RC3H1: variants seen among roughly 807,000 people sequenced by gnomAD.
RC3H1 encodes ring finger and CCCH-type domains 1.
In RC3H1, 50 loss-of-function variants were observed where a neutral mutation model predicts 138.2. The observed-to-expected ratio is 0.36, with a 90% CI of 0.29 to 0.46. RC3H1 has a LOEUF of 0.46. Among genes scored for constraint, RC3H1 ranks in the 20% least tolerant of loss-of-function variants. The pLI is 1.00. For missense variants in RC3H1, 1,031 were observed against 1,388.1 expected (o/e 0.74, Z 4.09); for synonymous variants, 462 against 489.1 (o/e 0.94, Z 0.73).
At chr1:174,002,802 T>C (rs1415635819) in intron 1 of RC3H1, among the ~76,000 whole-genome samples, 4 of 152,222 alleles carry the variant, frequency 2.6e-5, no homozygotes, top group South Asian at 2.1e-4. Flanking sequence ...CCCATATCTA[T>C]TGAGGGCTTC....
At position 173,931,220 on chromosome 1, in the gene RC3H1, A is replaced by T. The variant is rs1376248289; in HGVS notation, c.*7501T>A. On this transcript the variant is annotated 3_prime_UTR_variant, in exon 20 of 20. Coordinates refer to ENST00000367696, the MANE Select transcript of RC3H1 (RefSeq NM_172071.4). ...CATTTACAAAATACACACGTTCCTC[A>T]TTAATTTATCATTTAATATAAATGC... 2 of 152,246 alleles carry T rather than the reference A, an allele frequency of 1.3e-5. No individual in the cohort carries two copies. The highest frequency in any genetic ancestry group is 2.4e-5 in the African/African-American group (1 of 41,464). The allele number at this position is 152,246 out of a possible 1,614,324, so 9.4% of individuals were successfully genotyped here. A position where few individuals can be genotyped will look rare whatever the true frequency, so the allele number is the denominator to read the frequency against.
intron 7 of RC3H1, among the ~76,000 whole-genome samples, chr1:173,973,167 G>A (rs1660436769): frequency 6.6e-6 from 1 of 152,170 alleles, no homozygotes; most frequent in Non-Finnish European, 1.5e-5. Flanking sequence ...CAAAACTGAG[G>A]ACTGTCTACA....
intron 6 of RC3H1, among the ~76,000 whole-genome samples, chr1:173,979,461 C>T (rs930724803): frequency 6.6e-6 from 1 of 152,158 alleles, no homozygotes; most frequent in Non-Finnish European, 1.5e-5. Context: ...GCCTGGCCAA[C>T]ATGGTGAAAC....
intron 7 of RC3H1, among the ~76,000 whole-genome samples, chr1:173,977,268 G>A (rs1557939034): frequency 6.6e-6 from 1 of 152,092 alleles, no homozygotes; most frequent in Non-Finnish European, 1.5e-5. Context: ...TGGATTGGAG[G>A]AACTCATAGT....
Position 173,934,368 on chromosome 1 carries a change from C to T in RC3H1, c.*4353G>A, listed in dbSNP as rs1202377362. The T allele has an allele frequency of 6.6e-6, 1 of 152,128 alleles. No individual in the cohort carries two copies. The highest frequency in any genetic ancestry group is 1.5e-5 in the Non-Finnish European group (1 of 68,014). The allele number at this position is 152,128 out of a possible 1,614,324, so 9.4% of individuals were successfully genotyped here. A position where few individuals can be genotyped will look rare whatever the true frequency, so the allele number is the denominator to read the frequency against. On this transcript the variant is annotated 3_prime_UTR_variant, in exon 20 of 20. Coordinates refer to ENST00000367696, the MANE Select transcript of RC3H1 (RefSeq NM_172071.4). ...TGGGGTGGGCACAAATGCTTATACA[C>T]AATATTACAAAAGACGACATTCACT...
chr1:174,018,660 A>G (rs10798302), intron 1 of RC3H1, among the ~76,000 whole-genome samples: 55,097 of 152,052 alleles, frequency 0.36, 14,973 homozygotes, highest in African/African-American at 0.75. Context: ...AAGGCTGACC[A>G]AAATCTGTGA....
At chr1:173,950,312 G>T (rs1037842741) in intron 14 of RC3H1, among the ~76,000 whole-genome samples, 2 of 151,004 alleles carry the variant, frequency 1.3e-5, no homozygotes, top group African/African-American at 4.9e-5. Context: ...AGGCATACTG[G>T]CACACATCTG....
intron 12 of RC3H1, 26 bp downstream of exon 12, chr1:173,961,699 A>G (rs1232420052): frequency 1.3e-6 from 2 of 1,586,720 alleles, no homozygotes; most frequent in Non-Finnish European, 1.7e-6. Context: ...AATTAAGTCT[A>G]TGTAATAAAA....
At chr1:174,002,883 T>C (rs1415869207) in intron 1 of RC3H1, among the ~76,000 whole-genome samples, 1 of 152,130 alleles carries the variant, frequency 6.6e-6, no homozygotes, top group Non-Finnish European at 1.5e-5. Flanking sequence ...CCCTAGAAAG[T>C]TTCCCTGAGT....
At chr1:173,990,285 C>T (rs1275337605) in intron 2 of RC3H1, among the ~76,000 whole-genome samples, 1 of 151,788 alleles carries the variant, frequency 6.6e-6, no homozygotes, top group Non-Finnish European at 1.5e-5. Flanking sequence ...ACCATGTTGG[C>T]CAGGCTGGTC....
At chr1:173,960,909 A>C (rs546132150) in intron 13 of RC3H1, 168 bp downstream of exon 13, 26 of 633,454 alleles carry the variant, frequency 4.1e-5, no homozygotes, top group Admixed American at 2.0e-4. Flanking sequence ...ATTACATTAC[A>C]TACATACAAA....
rs1659127856 is a variant in RC3H1 at position 173,946,215 on chromosome 1, C to G, written c.2961+261G>C. On this transcript the variant is annotated intron_variant, in intron 17 of 19. Transcript: ENST00000367696. ...AAACAAACAAACAAACAAAAAAAAC[C>G]TTAAATGTGCCATCAGGGAATATAA... Among the ~76,000 whole-genome samples the G allele has an allele frequency of 2.6e-5, 4 of 151,942 alleles. No homozygotes were observed. The South Asian group carries it at 6.2e-4, about 24-fold the overall frequency.
At chr1:173,965,735 T>C (rs1366137509) in intron 9 of RC3H1, among the ~76,000 whole-genome samples, 1 of 152,246 alleles carries the variant, frequency 6.6e-6, no homozygotes, top group Non-Finnish European at 1.5e-5. Flanking sequence ...AATATTTTAC[T>C]TCAGCTCTCC....
Position 173,934,035 on chromosome 1 carries a change from T to C in RC3H1, c.*4686A>G, listed in dbSNP as rs1658483994. On this transcript the variant is annotated 3_prime_UTR_variant, in exon 20 of 20. Transcript: ENST00000367696. ...AAAGTAACTGGGCCATTCCTTTCAA[T>C]GACATATAAATCGTTACAGGTGCTT... The C allele has an allele frequency of 6.6e-6, 1 of 152,140 alleles. No homozygotes were observed. Among genetic ancestry groups the C allele is most frequent in the South Asian group, 2.1e-4 (1 of 4,828 alleles). 9.4% of individuals were successfully genotyped at this position (152,140 alleles called of 1,614,324 possible).
At chr1:173,955,099 G>C (rs528021397) in intron 13 of RC3H1, among the ~76,000 whole-genome samples, 1 of 150,468 alleles carries the variant, frequency 6.6e-6, no homozygotes, top group Admixed American at 6.6e-5. Flanking sequence ...GGTGGCGGGC[G>C]CCTGTAATCC....
chr1:173,991,742 A>C (rs951373823), intron 2 of RC3H1, among the ~76,000 whole-genome samples: 1 of 152,198 alleles, frequency 6.6e-6, no homozygotes, highest in African/African-American at 2.4e-5. Context: ...TGCAACTTTT[A>C]CTGATATAGT....
At position 173,947,489 on chromosome 1, in the gene RC3H1, G is replaced by A. The variant is rs1659183555; in HGVS notation, c.2617C>T (p.Arg873Ter). Reference protein sequence around the residue: ...SDDDLIPFGDRPTVSRFGAIS... With the variant: ...SDDDLIPFGD ...GCACCAAACCGAGACACTGTTGGTC[G>A]GTCTCCAAATGGGATGAGGTCATCA... Residue 873 changes from arginine (R) to a stop codon, truncating the protein, a stop_gained, in exon 15 of 20, where the codon CGA becomes TGA. Coordinates refer to ENST00000367696, the MANE Select transcript of RC3H1 (RefSeq NM_172071.4). LOFTEE classifies it high-confidence loss of function. 1.9e-6 allele frequency: 3 copies of A among 1,613,694 alleles called. No homozygotes were observed. Among genetic ancestry groups the A allele is most frequent in the African/African-American group, 1.3e-5 (1 of 74,840 alleles).
At chr1:173,951,282 G>A (rs1332904507) in intron 14 of RC3H1, among the ~76,000 whole-genome samples, 9 of 152,018 alleles carry the variant, frequency 5.9e-5, no homozygotes, top group East Asian at 1.9e-4. Flanking sequence ...CCGAGATCGC[G>A]CCATTGAACT....
At position 173,964,107 on chromosome 1, in the gene RC3H1, G is replaced by A. The variant is rs752797159; in HGVS notation, c.1697C>T (p.Pro566Leu). Reference protein sequence around the residue: ...SIPPRGPADLPPMPVTKPLQM... With the variant: ...SIPPRGPADLLPMPVTKPLQM... ...AAGTGGTTTGGTAACAGGCATTGGA[G>A]GCAGATCTGCTGGCCCCCTTGGAGG... The change falls in exon 11 of 20, where the codon CCT becomes CTT. Residue 566 changes from proline (P) to leucine (L), a missense_variant. Pro to Leu is a moderately conservative substitution (Grantham distance 98, BLOSUM62 -3). Coordinates refer to ENST00000367696, the MANE Select transcript of RC3H1 (RefSeq NM_172071.4). 1.1e-5 allele frequency: 17 copies of A among 1,613,982 alleles called. No individual in the cohort carries two copies. Among genetic ancestry groups the A allele is most frequent in the Non-Finnish European group, 6.8e-6 (8 of 1,179,996 alleles).
Sources: allele counts gnomAD v4.1 joint callset (sites outside exome capture counted in the v4.1 genomes callset), GRCh38; gene constraint gnomAD v4.1.1; transcripts MANE v1.5; gene names NCBI Gene and HGNC (gene_info 2026-07-23, HGNC 2026-07-21).